Variants in GJB7 observed in about 807,000 individuals in gnomAD.
GJB7 encodes gap junction beta-7 protein.
For missense variants in GJB7, 253 were observed against 256.8 expected, an observed-to-expected ratio of 0.99 and a Z score of 0.10; for synonymous variants, 87 against 95.2, an observed-to-expected ratio of 0.91 and a Z score of 0.50.
intron 2 of GJB7, among the ~76,000 whole-genome samples, chr6:87,295,746 C>T (rs1455887497): frequency 4.6e-5 from 7 of 152,158 alleles, no homozygotes; most frequent in Non-Finnish European, 8.8e-5. Flanking sequence ...GCAGAGCCAC[C>T]GCTCTGGTCC....
At chr6:87,290,352 T>C (rs145368037) in intron 2 of GJB7, among the ~76,000 whole-genome samples, 3 of 152,256 alleles carry the variant, frequency 2.0e-5, no homozygotes, top group African/African-American at 7.2e-5. Context: ...AGAAAAGCAT[T>C]TCCTCCCAGG....
chr6:87,292,373 A>G (rs967112450), intron 2 of GJB7, among the ~76,000 whole-genome samples: 17 of 152,222 alleles, frequency 1.1e-4, no homozygotes, highest in African/African-American at 3.4e-4. Flanking sequence ...TGATGAGCTT[A>G]ATTTAACTTC....
chr6:87,307,245 A>C (rs1209798611), intron 2 of GJB7, among the ~76,000 whole-genome samples: 6 of 151,944 alleles, frequency 3.9e-5, no homozygotes, highest in Non-Finnish European at 2.9e-5. Context: ...TAAAGACTTA[A>C]ATGTTAGACC....
intron 2 of GJB7, among the ~76,000 whole-genome samples, chr6:87,288,428 A>G (rs528124050): frequency 6.6e-6 from 1 of 152,190 alleles, no homozygotes; most frequent in African/African-American, 2.4e-5. Flanking sequence ...CATGTCGGAA[A>G]ATCATATAGT....
At chr6:87,303,469 A>T (rs549290170) in intron 2 of GJB7, among the ~76,000 whole-genome samples, 3 of 152,238 alleles carry the variant, frequency 2.0e-5, no homozygotes, top group African/African-American at 7.2e-5. Flanking sequence ...TTCAACAAGA[A>T]GAGCTAACTA....
chr6:87,301,606 A>T (rs1001323982), intron 2 of GJB7, among the ~76,000 whole-genome samples: 13 of 152,170 alleles, frequency 8.5e-5, no homozygotes, highest in African/African-American at 3.1e-4. Flanking sequence ...TCTGGAGGGG[A>T]AGGTCATAGC....
At chr6:87,290,864 C>A (rs1176387123) in intron 2 of GJB7, among the ~76,000 whole-genome samples, 1 of 152,188 alleles carries the variant, frequency 6.6e-6, no homozygotes, top group Non-Finnish European at 1.5e-5. Context: ...TACTATCTCG[C>A]CCTTTGCACA....
chr6:87,296,745 T>C (rs936853761), intron 2 of GJB7, among the ~76,000 whole-genome samples: 3 of 152,208 alleles, frequency 2.0e-5, no homozygotes, highest in Non-Finnish European at 4.4e-5. Context: ...GAAGTCCTAT[T>C]GACATGAGAC....
At chr6:87,303,135 C>T (rs1359449193) in intron 2 of GJB7, among the ~76,000 whole-genome samples, 3 of 152,136 alleles carry the variant, frequency 2.0e-5, no homozygotes, top group Non-Finnish European at 4.4e-5. Flanking sequence ...GCAAAATAAC[C>T]AGCTAACATC....
chr6:87,299,675 G>A (rs896669557), intron 2 of GJB7: 2 of 177,302 alleles, frequency 1.1e-5, no homozygotes, highest in African/African-American at 4.8e-5. Context: ...GGTGACAACA[G>A]AAAGAACCAA....
At chr6:87,292,723 G>T (rs1478789996) in intron 2 of GJB7, among the ~76,000 whole-genome samples, 1 of 152,234 alleles carries the variant, frequency 6.6e-6, no homozygotes, top group Non-Finnish European at 1.5e-5. Context: ...GAATTTTACA[G>T]TTGGAAATGT....
At chr6:87,328,956 G>A (rs1219696954) in intron 1 of GJB7, among the ~76,000 whole-genome samples, 182 bp downstream of exon 1, 1 of 152,198 alleles carries the variant, frequency 6.6e-6, no homozygotes, top group Non-Finnish European at 1.5e-5. Flanking sequence ...ATCTCGTGGT[G>A]CGCCATTTTT....
At chr6:87,288,304 A>G (rs1035713708) in intron 2 of GJB7, among the ~76,000 whole-genome samples, 2 of 152,256 alleles carry the variant, frequency 1.3e-5, no homozygotes, top group Admixed American at 1.3e-4. Context: ...CTATGAAATC[A>G]GAGACCTATC....
At chr6:87,328,255 CAA>C (rs1304416553) in intron 1 of GJB7, among the ~76,000 whole-genome samples, 3 of 152,104 alleles carry the variant, frequency 2.0e-5, no homozygotes, top group Non-Finnish European at 4.4e-5. Flanking sequence ...CTCAGCTCGT[CAA>C]AGTCATTCTC....
chr6:87,315,195 G>GTCTGCTGATTTCATCTTCCTAGCA (rs1237313382), intron 2 of GJB7, among the ~76,000 whole-genome samples: 2 of 152,138 alleles, frequency 1.3e-5, no homozygotes, highest in Admixed American at 6.5e-5. Flanking sequence ...TGAAGTGGGC[G>GTCTGCTGATTTCATCTTCCTAGCA]TCTGCTGATT....
intron 1 of GJB7, among the ~76,000 whole-genome samples, chr6:87,323,495 A>G (rs113728339): frequency 0.018 from 2,585 of 140,094 alleles, 47 homozygotes; most frequent in African/African-American, 0.048. Context: ...CCATTGTTCA[A>G]TTCCCACCTA....
rs1343996978 is a variant in GJB7 at position 87,290,311 on chromosome 6, C to T, written c.-27-5372G>A. ...TCTCTGGTACATTCATAACTCTGTT[C>T]TGCCTTGCACACAAATCATCTAACC... On this transcript the variant is annotated intron_variant, in intron 2 of 2. Transcript: ENST00000525899. Among the ~76,000 whole-genome samples the T allele has an allele frequency of 2.6e-5, 4 of 152,294 alleles. No individual in the cohort carries two copies. The East Asian group carries it at 5.8e-4, about 22-fold the overall frequency.
intron 2 of GJB7, among the ~76,000 whole-genome samples, chr6:87,295,784 A>T (rs1329569368): frequency 6.6e-6 from 1 of 152,166 alleles, no homozygotes; most frequent in Admixed American, 6.5e-5. Context: ...TCCTCCCAGA[A>T]ATTGAAGGGC....
chr6:87,323,937 T>C (rs1343329039), intron 1 of GJB7, among the ~76,000 whole-genome samples: 1 of 151,832 alleles, frequency 6.6e-6, no homozygotes, highest in Non-Finnish European at 1.5e-5. Context: ...CAGCACCTGT[T>C]GTTTCCTGAC....
Sources: allele counts gnomAD v4.1 joint callset (sites outside exome capture counted in the v4.1 genomes callset), GRCh38; gene constraint gnomAD v4.1.1; transcripts MANE v1.5; gene names NCBI Gene and HGNC (gene_info 2026-07-23, HGNC 2026-07-21).